HERC3: variants seen among roughly 807,000 people sequenced by gnomAD.
HERC3 encodes probable E3 ubiquitin-protein ligase HERC3.
A neutral mutation model predicts 129.9 loss-of-function variants in HERC3; 58 were observed. The observed-to-expected ratio is 0.45, with a 90% CI of 0.36 to 0.56. HERC3 has a LOEUF of 0.56. Ranked by LOEUF, HERC3 falls within the 20% of genes least tolerant of loss-of-function variation. The pLI is 0.00. For missense variants in HERC3, 835 were observed against 1,244.2 expected (o/e 0.67, Z 4.95); for synonymous variants, 430 against 451.0 (o/e 0.95, Z 0.59).
the HERC3 span, among the ~76,000 whole-genome samples, chr4:88,570,199 G>A: frequency 1.3e-4 from 20 of 152,164 alleles, no homozygotes; most frequent in Non-Finnish European, 2.9e-4. Flanking sequence ...AGTGGATATA[G>A]AAGTAATTAG....
intron 21 of HERC3, among the ~76,000 whole-genome samples, chr4:88,683,816 C>G (rs367670331): frequency 6.6e-6 from 1 of 152,202 alleles, no homozygotes. Flanking sequence ...AACCCTCGGC[C>G]TGCAGGCTGT....
the HERC3 span, among the ~76,000 whole-genome samples, chr4:88,546,315 A>T: frequency 6.6e-6 from 1 of 152,206 alleles, no homozygotes; most frequent in African/African-American, 2.4e-5. Context: ...CACATCATTT[A>T]ACACTGCACC....
At chr4:88,648,265 G>C (rs1728908900) in intron 3 of HERC3, among the ~76,000 whole-genome samples, 1 of 152,114 alleles carries the variant, frequency 6.6e-6, no homozygotes, top group Non-Finnish European at 1.5e-5. Flanking sequence ...CTACATAGCT[G>C]TCTGGAAAGG....
At chr4:88,593,979 T>A (rs1413149534) in intron 1 of HERC3, among the ~76,000 whole-genome samples, 2 of 152,212 alleles carry the variant, frequency 1.3e-5, no homozygotes, top group African/African-American at 4.8e-5. Context: ...TTTTACATCA[T>A]GGTCGTACCG....
chr4:88,674,240 A>G (rs950182915), intron 16 of HERC3, among the ~76,000 whole-genome samples: 2 of 152,004 alleles, frequency 1.3e-5, no homozygotes, highest in African/African-American at 4.8e-5. Flanking sequence ...GGTTACAGGA[A>G]GAGGGTGGGG....
intron 23 of HERC3, among the ~76,000 whole-genome samples, chr4:88,688,016 A>G (rs1290987869): frequency 1.3e-5 from 2 of 152,248 alleles, no homozygotes; most frequent in Non-Finnish European, 2.9e-5. Flanking sequence ...TAGAGGGTGA[A>G]TAACTTCTAT....
intron 1 of HERC3, among the ~76,000 whole-genome samples, chr4:88,594,769 G>C (rs1004332961): frequency 2.0e-5 from 3 of 152,020 alleles, no homozygotes; most frequent in Non-Finnish European, 4.4e-5. Flanking sequence ...TTCTCATTTT[G>C]CATGATGGAG....
chr4:88,601,286 G>A (rs945920160), intron 2 of HERC3, among the ~76,000 whole-genome samples: 35 of 152,308 alleles, frequency 2.3e-4, no homozygotes, highest in African/African-American at 8.4e-4. Flanking sequence ...CAATAAGGCA[G>A]TTTTAAAATT....
intron 3 of HERC3, among the ~76,000 whole-genome samples, chr4:88,646,827 G>T (rs1728741788): frequency 6.6e-6 from 1 of 152,222 alleles, no homozygotes. Context: ...CTGGCTAGAA[G>T]AAATAGAATA....
chr4:88,654,161 G>C, intron 7 of HERC3, 28 bp downstream of exon 7: 1 of 1,490,064 alleles, frequency 6.7e-7, no homozygotes, highest in Non-Finnish European at 9.4e-7. Flanking sequence ...TTTTACTTTG[G>C]TGCTGGGGAT....
At chr4:88,674,251 GGA>G (rs1193242146) in intron 16 of HERC3, among the ~76,000 whole-genome samples, 1 of 152,034 alleles carries the variant, frequency 6.6e-6, no homozygotes, top group African/African-American at 2.4e-5. Context: ...GAGGGTGGGG[GGA>G]GAGAGTCAGA....
At chr4:88,607,366 G>T (rs971292388) in intron 3 of HERC3, among the ~76,000 whole-genome samples, 4 of 152,154 alleles carry the variant, frequency 2.6e-5, no homozygotes, top group Admixed American at 1.3e-4. Flanking sequence ...TGGAAAGGTA[G>T]GGGGACTAAT....
the HERC3 span, among the ~76,000 whole-genome samples, chr4:88,554,146 G>C: frequency 6.6e-6 from 1 of 152,112 alleles, no homozygotes; most frequent in South Asian, 2.1e-4. Flanking sequence ...AAGAGGTGGA[G>C]ACCATCCTGG....
rs1293328564 is a variant in HERC3 at position 88,602,407 on chromosome 4, A to AG, written c.-29-3388_-29-3387insG. 2.2e-4 allele frequency among the ~76,000 whole-genome samples: 33 copies of AG among 150,566 alleles called. 1 individual carries two copies. The highest frequency in any genetic ancestry group is 1.0e-4 in the Non-Finnish European group (7 of 67,660). ...ACAGAGCGAGACTTGGTCTCCAAAA[A>AG]AAAAAAAAAAAAAAAAAAAGTATGT... is the stretch of plus-strand genomic sequence containing the variant. On this transcript the variant is annotated intron_variant, in intron 2 of 25. Coordinates refer to ENST00000402738, the MANE Select transcript of HERC3 (RefSeq NM_014606.3).
chr4:88,705,533 A>G (rs765958115), intron 25 of HERC3, among the ~76,000 whole-genome samples: 3 of 152,232 alleles, frequency 2.0e-5, no homozygotes, highest in Non-Finnish European at 4.4e-5. Context: ...CCTATTCTGG[A>G]TATTTCATGC....
the HERC3 span, among the ~76,000 whole-genome samples, chr4:88,544,438 T>C: frequency 1.3e-5 from 2 of 152,326 alleles, no homozygotes; most frequent in South Asian, 4.1e-4. Flanking sequence ...GGAGAGGATG[T>C]GGAGAAATAG....
intron 3 of HERC3, among the ~76,000 whole-genome samples, chr4:88,636,527 A>G (rs1462644378): frequency 6.6e-6 from 1 of 152,154 alleles, no homozygotes; most frequent in African/African-American, 2.4e-5. Flanking sequence ...AGAGAGTTAG[A>G]CTCCCACACA....
the HERC3 span, among the ~76,000 whole-genome samples, chr4:88,586,605 C>T: frequency 4.9e-4 from 74 of 152,080 alleles, no homozygotes; most frequent in Non-Finnish European, 6.9e-4. Flanking sequence ...GTGATCCACC[C>T]GCCTCCGCCT....
At chr4:88,653,257 G>C (rs1417431445) in intron 6 of HERC3, among the ~76,000 whole-genome samples, 167 bp downstream of exon 6, 1 of 152,232 alleles carries the variant, frequency 6.6e-6, no homozygotes, top group Non-Finnish European at 1.5e-5. Context: ...CTAGTGAGTA[G>C]AGGTGCAACA....
Sources: allele counts gnomAD v4.1 joint callset (sites outside exome capture counted in the v4.1 genomes callset), GRCh38; gene constraint gnomAD v4.1.1; transcripts MANE v1.5; gene names NCBI Gene and HGNC (gene_info 2026-07-23, HGNC 2026-07-21).